The following CEP128 variants were observed in gnomAD, a reference collection of about 807,000 sequenced individuals.
CEP128 encodes the protein centrosomal protein 128.
A neutral mutation model predicts 156.7 loss-of-function variants in CEP128; 132 were observed. That is an observed-to-expected ratio of 0.84 (90% CI 0.73 to 0.97). The LOEUF is 0.97. Among genes scored for constraint, CEP128 ranks in the 50% least tolerant of loss-of-function variants. The pLI is 0.00. For synonymous variants in CEP128, 469 were observed against 448.9 expected (o/e 1.04, Z -0.57); for missense variants, 1,252 against 1,281.9 (o/e 0.98, Z 0.36).
chr14:80,729,424 G>C (rs980294426), intron 19 of CEP128, among the ~76,000 whole-genome samples: 4 of 151,890 alleles, frequency 2.6e-5, no homozygotes, highest in African/African-American at 9.7e-5. Flanking sequence ...TCGTTGATTG[G>C]TGGGTATTTG....
chr14:80,583,505 G>C (rs1891676702), intron 19 of CEP128, among the ~76,000 whole-genome samples: 1 of 152,140 alleles, frequency 6.6e-6, no homozygotes, highest in South Asian at 2.1e-4. Flanking sequence ...TATGAGCTAA[G>C]CAACACCAGA....
intron 14 of CEP128, among the ~76,000 whole-genome samples, chr14:80,791,402 G>A (rs766445072): frequency 2.6e-5 from 4 of 152,122 alleles, no homozygotes; most frequent in Non-Finnish European, 5.9e-5. Flanking sequence ...TTAATATTCT[G>A]AAAACTCAAC....
intron 19 of CEP128, among the ~76,000 whole-genome samples, chr14:80,725,788 C>G (rs759781449): frequency 1.4e-4 from 21 of 152,254 alleles, no homozygotes; most frequent in Non-Finnish European, 2.9e-4. Flanking sequence ...AACATTAACT[C>G]TAATTAATTA....
intron 19 of CEP128, among the ~76,000 whole-genome samples, chr14:80,662,575 TTGCAACAC>T (rs1352013359): frequency 6.6e-6 from 1 of 152,142 alleles, no homozygotes; most frequent in African/African-American, 2.4e-5. Context: ...AATAGAGGAT[TTGCAACAC>T]TGCAAATCAA....
At chr14:80,493,544 T>A (rs974272054), downstream of CEP128, among the ~76,000 whole-genome samples, 1 of 152,212 alleles carries the variant, frequency 6.6e-6, no homozygotes, top group African/African-American at 2.4e-5. Context: ...CACGTTAGAA[T>A]ACAGCTATGT....
At chr14:80,553,395 G>GA (rs1890295208) in intron 21 of CEP128, among the ~76,000 whole-genome samples, 1 of 152,064 alleles carries the variant, frequency 6.6e-6, no homozygotes, top group African/African-American at 2.4e-5. Flanking sequence ...ACCATCTATG[G>GA]AAAAGTTCAT....
intron 9 of CEP128, among the ~76,000 whole-genome samples, chr14:80,859,835 G>C (rs1180675660): frequency 5.9e-5 from 9 of 152,130 alleles, no homozygotes; most frequent in African/African-American, 2.2e-4. Context: ...TGAGATAACA[G>C]CAGCAGATTT....
intron 8 of CEP128, among the ~76,000 whole-genome samples, chr14:80,882,736 A>T (rs1272221347): frequency 6.6e-6 from 1 of 152,224 alleles, no homozygotes; most frequent in African/African-American, 2.4e-5. Flanking sequence ...TCAGCCATCA[A>T]AACAATGGGA....
chr14:80,809,997 A>C (rs192955313), intron 13 of CEP128, among the ~76,000 whole-genome samples: 7 of 152,178 alleles, frequency 4.6e-5, no homozygotes, highest in African/African-American at 1.7e-4. Flanking sequence ...GGACAACAAC[A>C]AGGACAATAA....
chr14:80,879,198 C>G (rs1253513981), intron 8 of CEP128, among the ~76,000 whole-genome samples: 1 of 152,114 alleles, frequency 6.6e-6, no homozygotes, highest in East Asian at 1.9e-4. Flanking sequence ...TAAATGTTTT[C>G]CCTTATAAAA....
At position 80,530,867 on chromosome 14, in the gene CEP128, T is replaced by C; in HGVS notation, c.2900A>G (p.Asp967Gly). 1 of 1,607,228 alleles carries C rather than the reference T, an allele frequency of 6.2e-7. No homozygotes were observed. Among genetic ancestry groups the C allele is most frequent in the Non-Finnish European group, 8.5e-7 (1 of 1,176,216 alleles). ...TTTCTCAGGCACAGACTCCAGATGG[T>C]CCAAGGCCACTTGGGTACTCTGAAA... ...ALETSTQVAL[D>G]HLESVPEKLS... Residue 967 changes from aspartate to glycine, a missense_variant, in exon 22 of 25, where the codon GAC becomes GGC. Asp to Gly is a moderately conservative substitution (Grantham distance 94). Coordinates refer to ENST00000555265, the MANE Select transcript of CEP128 (RefSeq NM_152446.5).
intron 9 of CEP128, among the ~76,000 whole-genome samples, chr14:80,856,707 A>G (rs1365125483): frequency 3.0e-5 from 3 of 101,058 alleles, no homozygotes; most frequent in Admixed American, 2.2e-4. Context: ...CATTTATCTC[A>G]TGTTTTTCTT....
Position 80,647,011 on chromosome 14 carries a change from A to ATGTG in CEP128, c.2807-66592_2807-66589dup, listed in dbSNP as rs1224785096. Reference sequence around the variant, plus strand: ...TTATAAGAAATATATATATATATATATGTGTGTGTATATATATGTGTGCAT... The same window carrying ATGTG: ...TTATAAGAAATATATATATATATATATGTGTGTGTGTGTATATATATGTGTGCAT... On this transcript the variant is annotated intron_variant, in intron 19 of 24. Transcript: ENST00000555265. Among the ~76,000 whole-genome samples, 4 of 72,524 alleles carry ATGTG rather than the reference A, an allele frequency of 5.5e-5. 1 individual carries two copies. The highest frequency in any genetic ancestry group is 1.1e-4 in the African/African-American group (3 of 26,934). The allele number at this position is 72,524 out of a possible 152,430, so 47.6% of individuals were successfully genotyped here. A position where few individuals can be genotyped will look rare whatever the true frequency, so the allele number is the denominator to read the frequency against.
intron 21 of CEP128, among the ~76,000 whole-genome samples, chr14:80,534,394 T>C (rs1004675142): frequency 2.0e-5 from 3 of 152,220 alleles, no homozygotes; most frequent in Non-Finnish European, 2.9e-5. Context: ...AGAGATGTCA[T>C]GAGGACCTAT....
chr14:80,904,014 G>GT (rs1176337670), intron 6 of CEP128, among the ~76,000 whole-genome samples: 2 of 152,086 alleles, frequency 1.3e-5, no homozygotes, highest in Non-Finnish European at 1.5e-5. Flanking sequence ...ACTGAAATCA[G>GT]TATGTCAAAG....
At chr14:80,800,156 C>A (rs1035416987) in intron 13 of CEP128, among the ~76,000 whole-genome samples, 3 of 152,132 alleles carry the variant, frequency 2.0e-5, no homozygotes, top group African/African-American at 7.2e-5. Flanking sequence ...AGTGGCCCAG[C>A]TGTAAAATTC....
chr14:80,915,420 C>T (rs1884491227), intron 3 of CEP128, among the ~76,000 whole-genome samples: 1 of 152,238 alleles, frequency 6.6e-6, no homozygotes, highest in Admixed American at 6.5e-5. Context: ...CTTATCTAAG[C>T]ATATTAATCC....
intron 19 of CEP128, among the ~76,000 whole-genome samples, chr14:80,636,730 A>G (rs1163071005): frequency 6.6e-6 from 1 of 152,086 alleles, no homozygotes; most frequent in African/African-American, 2.4e-5. Context: ...TAGTCTCCTA[A>G]ATGGCCTCCC....
chr14:80,615,583 T>A (rs147920871), intron 19 of CEP128, among the ~76,000 whole-genome samples: 88 of 152,174 alleles, frequency 5.8e-4, no homozygotes, highest in African/African-American at 2.1e-3. Context: ...ACTCCAAGAA[T>A]AAATTGCTAA....
Sources: gnomAD v4.1 joint callset for allele counts (sites outside exome capture counted in the v4.1 genomes callset) on GRCh38, gnomAD v4.1.1 for gene constraint, MANE v1.5 for transcripts, NCBI Gene and HGNC (gene_info 2026-07-23, HGNC 2026-07-21) for gene names.